Variants in CDKN2B-AS1 observed in about 807,000 individuals in gnomAD.
CDKN2B-AS1 encodes the protein CDKN2B antisense RNA 1 (non-protein coding).
intron 4 of CDKN2B-AS1, among the ~76,000 whole-genome samples, chr9:22,088,670 G>T (rs759478637): frequency 1.3e-5 from 2 of 152,162 alleles, no homozygotes; most frequent in Non-Finnish European, 2.9e-5. Flanking sequence ...GAGAATTACT[G>T]TCCTCTCAAT....
chr9:22,059,393 A>G (rs774421599), intron 4 of CDKN2B-AS1, among the ~76,000 whole-genome samples: 16 of 152,224 alleles, frequency 1.1e-4, no homozygotes, highest in Non-Finnish European at 2.4e-4. Flanking sequence ...CGAGGCAGTC[A>G]AACTTTGAAG....
At chr9:22,047,056 G>C (rs1056089985) in intron 2 of CDKN2B-AS1, among the ~76,000 whole-genome samples, 14 of 152,066 alleles carry the variant, frequency 9.2e-5, no homozygotes, top group African/African-American at 1.7e-4. Context: ...ATTACGTCTG[G>C]AGTAGTAATA....
intron 4 of CDKN2B-AS1, among the ~76,000 whole-genome samples, chr9:22,091,075 A>C (rs1401472668): frequency 2.6e-5 from 4 of 152,272 alleles, no homozygotes; most frequent in Admixed American, 6.5e-5. Flanking sequence ...ACCATCTATT[A>C]AATAGGGAAT....
At chr9:22,093,468 G>T (rs1000105815) in intron 4 of CDKN2B-AS1, among the ~76,000 whole-genome samples, 1 of 119,120 alleles carries the variant, frequency 8.4e-6, no homozygotes. Flanking sequence ...TCTCCTTGTA[G>T]GTTTCTAAGG....
intron 1 of CDKN2B-AS1, chr9:22,046,499 A>G (rs1247192582): frequency 1.3e-5 from 2 of 152,166 alleles, no homozygotes; most frequent in African/African-American, 4.8e-5. Flanking sequence ...AAGAGAGAAA[A>G]AAGGCAGGAG....
chr9:22,128,046 G>C, exon 5 of CDKN2B-AS1, among the ~76,000 whole-genome samples: 1 of 152,122 alleles, frequency 6.6e-6, no homozygotes, highest in East Asian at 1.9e-4. Flanking sequence ...CTTATGAGAT[G>C]TGTGTACAGA....
chr9:22,093,901 T>C (rs1340374697), intron 4 of CDKN2B-AS1, among the ~76,000 whole-genome samples: 2 of 144,888 alleles, frequency 1.4e-5, no homozygotes, highest in Middle Eastern at 3.5e-3. Context: ...TGATGAAGTT[T>C]CTTCCTAGCC....
intron 1 of CDKN2B-AS1, among the ~76,000 whole-genome samples, chr9:22,022,507 A>G (rs562491972): frequency 3.8e-4 from 58 of 151,858 alleles, no homozygotes; most frequent in Non-Finnish European, 6.3e-4. Context: ...TCCTTGATAT[A>G]TTTTTCTCCA....
intron 1 of CDKN2B-AS1, among the ~76,000 whole-genome samples, chr9:22,014,381 A>G (rs747655603): frequency 3.3e-5 from 5 of 152,010 alleles, no homozygotes; most frequent in Non-Finnish European, 7.4e-5. Flanking sequence ...CTGGTCTCTA[A>G]CTACTGGGCT....
intron 4 of CDKN2B-AS1, among the ~76,000 whole-genome samples, chr9:22,063,598 C>A (rs1326678350): frequency 6.6e-6 from 1 of 152,062 alleles, no homozygotes; most frequent in African/African-American, 2.4e-5. Flanking sequence ...TTGCATTGAT[C>A]CTGTGTTAGG....
chr9:22,030,731 A>G (rs906425993), intron 1 of CDKN2B-AS1: 3 of 152,090 alleles, frequency 2.0e-5, no homozygotes, highest in African/African-American at 7.2e-5. Flanking sequence ...TAATAATACT[A>G]TTTTTCTTAT....
chr9:22,082,221 C>T (rs974426901), intron 4 of CDKN2B-AS1, among the ~76,000 whole-genome samples: 3 of 152,160 alleles, frequency 2.0e-5, no homozygotes, highest in African/African-American at 4.8e-5. Context: ...TCTCTTTCTG[C>T]TGGTCTGCTA....
rs1820760744 is a variant in CDKN2B-AS1 at position 21,997,982 on chromosome 9, G to A, written n.29+2821G>A. On this transcript the variant is annotated intron_variant and non_coding_transcript_variant, in intron 1 of 4. Coordinates refer to ENST00000650946, the Ensembl canonical transcript of CDKN2B-AS1. This position sits in a 1 kb window ranked among gnomAD's most constrained non-coding sequence, Gnocchi z 4.8. The stretch of plus-strand genomic sequence containing the variant: ...AATCATTTTCTCTCCACAGGAACTA[G>A]ACCTAGGGATAAGGGTAATTGCTTA... Among the ~76,000 whole-genome samples the A allele has an allele frequency of 6.6e-6, 1 of 152,132 alleles. No homozygotes were observed. The highest frequency in any genetic ancestry group is 2.1e-4 in the South Asian group (1 of 4,826).
At chr9:22,056,181 C>A (rs969218805) in intron 3 of CDKN2B-AS1, 17 of 147,228 alleles carry the variant, frequency 1.2e-4, no homozygotes, top group Non-Finnish European at 2.4e-4. Context: ...GCTCCTGCCA[C>A]CACATCCAGC....
chr9:22,082,719 A>C (rs985764529), intron 4 of CDKN2B-AS1, among the ~76,000 whole-genome samples: 1 of 152,316 alleles, frequency 6.6e-6, no homozygotes, highest in East Asian at 1.9e-4. Flanking sequence ...TATAGAAAAC[A>C]TGTAGAGGAT....
At chr9:22,119,389 C>T (rs72654272) in intron 4 of CDKN2B-AS1, 6 of 152,086 alleles carry the variant, frequency 3.9e-5, no homozygotes, top group Non-Finnish European at 7.4e-5. Flanking sequence ...TTGACTGATT[C>T]GGAACTTTTT....
intron 1 of CDKN2B-AS1, among the ~76,000 whole-genome samples, chr9:22,016,985 C>T (rs1821792219): frequency 6.6e-6 from 1 of 152,168 alleles, no homozygotes; most frequent in Admixed American, 6.5e-5. Flanking sequence ...ATCTTTTTGA[C>T]ATGGAACTAT....
chr9:22,022,226 C>T (rs535526489), intron 1 of CDKN2B-AS1, among the ~76,000 whole-genome samples: 22 of 151,820 alleles, frequency 1.4e-4, no homozygotes, highest in Admixed American at 3.3e-4. Context: ...TTTTCTGTCT[C>T]GGTGATCTGT....
intron 1 of CDKN2B-AS1, among the ~76,000 whole-genome samples, chr9:22,028,461 A>T (rs1293472968): frequency 1.3e-5 from 2 of 152,146 alleles, no homozygotes; most frequent in Non-Finnish European, 2.9e-5. Flanking sequence ...GGTTTTAAAC[A>T]AGACATAGTT....
Sources: allele counts gnomAD v4.1 joint callset (sites outside exome capture counted in the v4.1 genomes callset), GRCh38; gene constraint gnomAD v4.1.1; non-coding constraint Gnocchi (gnomAD v3.1); transcripts MANE v1.5; gene names NCBI Gene and HGNC (gene_info 2026-07-23, HGNC 2026-07-21).